Variants in AFDN observed in about 807,000 individuals in gnomAD.
AFDN encodes afadin, adherens junction formation factor.
AFDN carries 68 observed loss-of-function variants against 216.6 expected under a neutral mutation model. The ratio of observed to expected loss-of-function variants is 0.31; its 90% CI spans 0.26 to 0.38. AFDN has a LOEUF of 0.38. AFDN is among the 10% of genes least tolerant of loss of function. The pLI, the probability that AFDN is intolerant of heterozygous loss-of-function variation, is 1.00. For missense variants in AFDN, 2,136 were observed against 2,342.0 expected (o/e 0.91, Z 1.82); for synonymous variants, 868 against 853.7 (o/e 1.02, Z -0.29).
At chr6:167,923,068 A>G in intron 22 of AFDN, 109 bp downstream of exon 22, 1 of 736,376 alleles carries the variant, frequency 1.4e-6, no homozygotes, top group Non-Finnish European at 2.2e-6. Context: ...GCAGAGTTTT[A>G]AAATCGCTGT....
chr6:167,970,529 G>T lies in AFDN; in HGVS notation c.*594G>T, dbSNP rs1797955352. 1.4e-5 allele frequency: 3 copies of T among 216,862 alleles called. No individual in the cohort carries two copies. In the South Asian group the frequency reaches 5.6e-4, roughly 40 times the overall value. 13.4% of individuals were successfully genotyped at this position (216,862 alleles called of 1,614,324 possible). On this transcript the variant is annotated 3_prime_UTR_variant, in exon 34 of 34. Transcript: ENST00000683244. The stretch of plus-strand genomic sequence containing the variant: ...GAAGTGGCTTAGGCCAAAGCTTCCT[G>T]TGTGATGACGCACGTCCGAGACTGT...
At chr6:167,870,246 T>G in intron 2 of AFDN, 140 bp from the exon 3 acceptor site, 1 of 538,544 alleles carries the variant, frequency 1.9e-6, no homozygotes, top group Non-Finnish European at 3.3e-6. Context: ...AACAAATGAT[T>G]TTACATTTTG....
chr6:167,917,431 G>A (rs1457364449), intron 20 of AFDN, among the ~76,000 whole-genome samples, 199 bp downstream of exon 20: 1 of 152,252 alleles, frequency 6.6e-6, no homozygotes, highest in Non-Finnish European at 1.5e-5. Flanking sequence ...TTTTATTCAG[G>A]AAATTAGGTT....
chr6:167,846,269 C>T (rs556654856), intron 1 of AFDN, among the ~76,000 whole-genome samples: 1 of 151,784 alleles, frequency 6.6e-6, no homozygotes, highest in Non-Finnish European at 1.5e-5. Flanking sequence ...TGCGTGGTAT[C>T]GAAAGAAGCC....
At chr6:167,861,552 A>G (rs1783575361) in intron 1 of AFDN, among the ~76,000 whole-genome samples, 1 of 152,030 alleles carries the variant, frequency 6.6e-6, no homozygotes, top group Non-Finnish European at 1.5e-5. Flanking sequence ...TAAAGATTTT[A>G]TGTTTGCAGT....
In AFDN at chr6:167,948,307, G is replaced by A. The variant is rs149816688; in HGVS notation, c.3660G>A (p.Pro1220=). The change falls in exon 29 of 34, where the codon CCG becomes CCA. Residue 1220 remains proline, a synonymous_variant. Coordinates refer to ENST00000683244, the MANE Select transcript of AFDN (RefSeq NM_001386888.1). ...ACATTTTACAGGAGCAGACGCCTCC[G>A]CCTAGACCTGAAGCCTACCCCATCC... ...GNLCTEEQTP[P]PRPEAYPIPT... The A allele has an allele frequency of 6.6e-5, 106 of 1,613,118 alleles. No individual in the cohort carries two copies. In the African/African-American group the frequency reaches 6.8e-4, roughly 10 times the overall value.
At chr6:167,862,044 G>T (rs554479373) in intron 1 of AFDN, among the ~76,000 whole-genome samples, 2 of 152,278 alleles carry the variant, frequency 1.3e-5, no homozygotes, top group South Asian at 4.1e-4. Flanking sequence ...GTGGTAGTGT[G>T]AAAGTATTGG....
intron 1 of AFDN, among the ~76,000 whole-genome samples, chr6:167,862,385 T>G (rs1030080410): frequency 1.6e-4 from 24 of 152,084 alleles, no homozygotes; most frequent in Non-Finnish European, 3.4e-4. Flanking sequence ...GGTTTGGTTT[T>G]TTTTTTTTTA....
rs1399027374 is a variant in AFDN at position 167,844,866 on chromosome 6, T to TTTTTTTTTTTTTTTG, written c.105+17633_105+17634insTTTTTTTTTTGTTTT. Among the ~76,000 whole-genome samples the TTTTTTTTTTTTTTTG allele has an allele frequency of 1.5e-5, 2 of 136,028 alleles. 1 individual carries two copies. The highest frequency in any genetic ancestry group is 3.1e-5 in the Non-Finnish European group (2 of 63,630). 89.2% of individuals were successfully genotyped at this position (136,028 alleles called of 152,430 possible). On this transcript the variant is annotated intron_variant, in intron 1 of 33. Coordinates refer to ENST00000683244, the MANE Select transcript of AFDN (RefSeq NM_001386888.1). ...TTTCTTTTCTTTTTTTTTTTTTTTT[T>TTTTTTTTTTTTTTTG]TTTTGGTTTTTGAGACAGGGTCTCA...
At position 167,880,526 on chromosome 6, in the gene AFDN, C is replaced by CT. The variant is rs758781917; in HGVS notation, c.897+12dup. The CT allele has an allele frequency of 2.3e-5, 37 of 1,612,236 alleles. No homozygotes were observed. The highest frequency in any genetic ancestry group is 3.1e-5 in the Non-Finnish European group (36 of 1,179,164). ...ATTACTGCATCGCCCGGGTAAGGAA[C>CT]TTTATCAAATCAGTAGTTCTTTCTA... On this transcript the variant is annotated intron_variant, in intron 6 of 33. Transcript: ENST00000683244.
At chr6:167,841,442 G>A (rs1163610747) in intron 1 of AFDN, among the ~76,000 whole-genome samples, 1 of 152,016 alleles carries the variant, frequency 6.6e-6, no homozygotes, top group East Asian at 1.9e-4. Context: ...CTGGGGAAGG[G>A]GAACTGGCTA....
chr6:167,903,750 C>T (rs1174765206), intron 12 of AFDN, among the ~76,000 whole-genome samples: 2 of 152,178 alleles, frequency 1.3e-5, no homozygotes, highest in African/African-American at 4.8e-5. Flanking sequence ...ATCATCTATG[C>T]TTGCTCCCTC....
In AFDN at chr6:167,951,589, C is replaced by G; in HGVS notation, c.4235C>G (p.Ala1412Gly). 1 of 1,614,054 alleles carries G rather than the reference C, an allele frequency of 6.2e-7. No individual in the cohort carries two copies. Among genetic ancestry groups the G allele is most frequent in the Non-Finnish European group, 8.5e-7 (1 of 1,179,998 alleles). ...ATAGGGCTGCCGTCTGCGCAGGTGGCTGCTGCTGAACGGAGAAAGAGAGAA... is the reference window on the plus strand; with the variant it reads ...ATAGGGCTGCCGTCTGCGCAGGTGGGTGCTGCTGAACGGAGAAAGAGAGAA... The part of the protein sequence containing the change: ...NQIGLPSAQV[A>G]AAERRKREEH... The change falls in exon 30 of 34, where the codon GCT becomes GGT. Residue 1412 changes from alanine (A) to glycine (G), a missense_variant. Around this residue, in one of 8 missense-constraint regions of AFDN, gnomAD observed 981 missense variants for 966.0 expected, o/e 1.02. Transcript: ENST00000683244. This position sits in a 1 kb window ranked among gnomAD's most constrained non-coding sequence, Gnocchi z 7.1.
intron 5 of AFDN, among the ~76,000 whole-genome samples, chr6:167,877,983 G>A (rs1275889004): frequency 6.6e-6 from 1 of 151,994 alleles, no homozygotes; most frequent in Non-Finnish European, 1.5e-5. Context: ...CTTCATGATG[G>A]CTTCAAAATG....
At chr6:167,911,854 A>T (rs1465767411) in intron 15 of AFDN, 4 of 288,670 alleles carry the variant, frequency 1.4e-5, no homozygotes, top group African/African-American at 6.5e-5. Flanking sequence ...TGGTGCATTC[A>T]CAGTGTTGTG....
chr6:167,956,850 C>T (rs1264831004), intron 30 of AFDN, among the ~76,000 whole-genome samples: 9 of 152,172 alleles, frequency 5.9e-5, no homozygotes, highest in Admixed American at 1.3e-4. Flanking sequence ...CTTTTCCTGC[C>T]GGGGTCACTG....
chr6:167,912,299 T>C (rs958914155), intron 15 of AFDN: 4 of 152,234 alleles, frequency 2.6e-5, no homozygotes, highest in African/African-American at 4.8e-5. Flanking sequence ...TTTTTCAGTT[T>C]TTCTGAATCA....
Position 167,969,830 on chromosome 6 carries a change from A to C in AFDN, c.5391A>C (p.Thr1797=), listed in dbSNP as rs756791277. The change falls in exon 34 of 34, where the codon ACA becomes ACC. Residue 1797 remains threonine, a synonymous_variant. Transcript: ENST00000683244. ...GTTCTGGGGCCCCTGAAAACTTGAC[A>C]TTCAAGGAACGCCAGCGTCTTTTTT... ...PGSSGAPENL[T]FKERQRLFSQ... The C allele has an allele frequency of 1.9e-6, 3 of 1,613,022 alleles. No homozygotes were observed. Among genetic ancestry groups the C allele is most frequent in the Non-Finnish European group, 2.5e-6 (3 of 1,179,714 alleles).
At chr6:167,949,791 T>G (rs374535211) in intron 29 of AFDN, among the ~76,000 whole-genome samples, 2 of 152,286 alleles carry the variant, frequency 1.3e-5, no homozygotes, top group East Asian at 1.9e-4. Flanking sequence ...GTATTTCCTG[T>G]TGTGTGGGGC....
Sources: gnomAD v4.1 joint callset for allele counts (sites outside exome capture counted in the v4.1 genomes callset) on GRCh38, gnomAD v4.1.1 for gene constraint, gnomAD v4.1.1 regional missense constraint, Gnocchi (gnomAD v3.1) non-coding constraint, MANE v1.5 for transcripts, NCBI Gene and HGNC (gene_info 2026-07-23, HGNC 2026-07-21) for gene names.